Variants in ERC1 observed in about 807,000 individuals in gnomAD.
The protein encoded by ERC1 is ELKS/RAB6-interacting/CAST family member 1.
Under a neutral mutation model 132.0 loss-of-function variants are expected in ERC1, and 56 were observed. The observed-to-expected ratio is 0.42, with a 90% CI of 0.34 to 0.53. The LOEUF (loss-of-function observed/expected upper bound fraction) is 0.53, where lower values mean the gene tolerates loss of function less well. Ranked by LOEUF, ERC1 falls within the 20% of genes least tolerant of loss-of-function variation. ERC1 has a pLI of 0.03. For synonymous variants in ERC1, 478 were observed against 476.1 expected, an observed-to-expected ratio of 1.00 and a Z score of -0.05; for missense variants, 1,202 against 1,349.9, an observed-to-expected ratio of 0.89 and a Z score of 1.72.
chr12:1,033,811 G>A (rs1323017922), intron 2 of ERC1, among the ~76,000 whole-genome samples: 2 of 151,980 alleles, frequency 1.3e-5, no homozygotes, highest in African/African-American at 4.8e-5. Context: ...TTGTATTTTA[G>A]TAGAGACGGG....
intron 7 of ERC1, among the ~76,000 whole-genome samples, chr12:1,118,475 A>G (rs952540999): frequency 1.4e-4 from 21 of 152,308 alleles, no homozygotes; most frequent in African/African-American, 4.8e-4. Flanking sequence ...TTTAGTTTTT[A>G]GCCATTGCAG....
At chr12:1,474,933 C>T (rs983372499) in intron 18 of ERC1, among the ~76,000 whole-genome samples, 2 of 152,228 alleles carry the variant, frequency 1.3e-5, no homozygotes, top group African/African-American at 4.8e-5. Context: ...TTGCTTTGAG[C>T]ATTCAGATTG....
intron 17 of ERC1, among the ~76,000 whole-genome samples, chr12:1,409,304 A>G (rs2091703519): frequency 6.6e-6 from 1 of 152,158 alleles, no homozygotes; most frequent in Non-Finnish European, 1.5e-5. Flanking sequence ...CCAAGAGATC[A>G]TTTTACCTTT....
chr12:1,363,772 G>C (rs1430458489), intron 15 of ERC1, among the ~76,000 whole-genome samples: 1 of 151,806 alleles, frequency 6.6e-6, no homozygotes, highest in Non-Finnish European at 1.5e-5. Flanking sequence ...CGCAGGCTGG[G>C]CTCGAACTCC....
chr12:1,280,547 T>A (rs2078609077), intron 14 of ERC1, among the ~76,000 whole-genome samples: 1 of 152,220 alleles, frequency 6.6e-6, no homozygotes, highest in Non-Finnish European at 1.5e-5. Flanking sequence ...AGTTTTGTAA[T>A]CTCTCCAAGT....
chr12:1,474,325 A>C (rs2093927937), intron 18 of ERC1, among the ~76,000 whole-genome samples: 1 of 152,234 alleles, frequency 6.6e-6, no homozygotes, highest in African/African-American at 2.4e-5. Flanking sequence ...GAAAGGAATT[A>C]ATCTGAGTCA....
chr12:1,286,450 CCTTAA>C lies in ERC1; in HGVS notation c.2620-3396_2620-3392del, dbSNP rs537146750. On this transcript the variant is annotated intron_variant, in intron 14 of 18. Coordinates refer to ENST00000360905, the MANE Select transcript of ERC1 (RefSeq NM_178040.4). ...ACTACCTAGCAATACAAGGGAATTT[CCTTAA>C]CTTAATAAAGGGTATCTATTAAAAA... 2.3e-4 allele frequency among the ~76,000 whole-genome samples: 35 copies of C among 152,050 alleles called. No homozygotes were observed. In the East Asian group the frequency reaches 3.9e-3, roughly 17 times the overall value.
At chr12:1,216,469 C>A (rs930269216) in intron 12 of ERC1, among the ~76,000 whole-genome samples, 3 of 151,952 alleles carry the variant, frequency 2.0e-5, no homozygotes, top group Non-Finnish European at 4.4e-5. Flanking sequence ...TTAAGCTGAG[C>A]CCTGTGAAAT....
Position 1,028,405 on chromosome 12 carries a change from T to C in ERC1, c.502T>C (p.Leu168=), listed in dbSNP as rs2154150433. The part of the protein sequence containing the change: ...LKEVLRENDL[L]RKDVEVKESK... ...GGAAGTATTAAGAGAAAATGATCTC[T>C]TGCGGAAGGATGTGGAAGTAAAGGA... Residue 168 remains leucine, a synonymous_variant, in exon 2 of 19, where the codon TTG becomes CTG. Transcript: ENST00000360905. 6.2e-7 allele frequency: 1 copy of C among 1,613,186 alleles called. No homozygotes were observed. The highest frequency in any genetic ancestry group is 8.5e-7 in the Non-Finnish European group (1 of 1,179,166).
At chr12:1,401,766 A>G (rs1055353644) in intron 16 of ERC1, among the ~76,000 whole-genome samples, 9 of 137,346 alleles carry the variant, frequency 6.6e-5, no homozygotes, top group Non-Finnish European at 1.3e-4. Flanking sequence ...AAAAAAAAAA[A>G]GAGTATTTTT....
At chr12:1,091,461 G>A (rs1943206699) in intron 3 of ERC1, among the ~76,000 whole-genome samples, 1 of 152,178 alleles carries the variant, frequency 6.6e-6, no homozygotes, top group Non-Finnish European at 1.5e-5. Context: ...TGAGGAAACA[G>A]GAGGGAGGCT....
chr12:1,437,214 G>T (rs1346306970), intron 17 of ERC1, among the ~76,000 whole-genome samples: 2 of 152,038 alleles, frequency 1.3e-5, no homozygotes, highest in African/African-American at 4.8e-5. Flanking sequence ...TTATCTCATC[G>T]ACTTTCAGCA....
chr12:1,180,287 G>A (rs74778246), intron 8 of ERC1, among the ~76,000 whole-genome samples: 5,701 of 132,474 alleles, frequency 0.043, 151 homozygotes, highest in Non-Finnish European at 0.059. Context: ...GTGTGTGCGC[G>A]CACGCGTGTG....
intron 18 of ERC1, among the ~76,000 whole-genome samples, chr12:1,484,253 C>T (rs568038443): frequency 3.3e-5 from 5 of 151,432 alleles, no homozygotes; most frequent in South Asian, 4.2e-4. Context: ...TGCAGTGAGC[C>T]GAGATCGCAC....
chr12:1,017,741 T>G (rs1260703836), intron 1 of ERC1, among the ~76,000 whole-genome samples: 1 of 151,410 alleles, frequency 6.6e-6, no homozygotes, highest in Non-Finnish European at 1.5e-5. Context: ...TCAGGTGATC[T>G]GCCCGCCTCA....
At chr12:1,101,391 C>T (rs1944641340) in intron 3 of ERC1, among the ~76,000 whole-genome samples, 2 of 152,134 alleles carry the variant, frequency 1.3e-5, no homozygotes, top group Admixed American at 1.3e-4. Flanking sequence ...TGTGTTACGC[C>T]GACATCACTG....
intron 2 of ERC1, among the ~76,000 whole-genome samples, chr12:1,059,007 A>G (rs900303273): frequency 6.6e-6 from 1 of 151,678 alleles, no homozygotes; most frequent in Non-Finnish European, 1.5e-5. Context: ...GTCCTCTTCA[A>G]TTTCTTTTAT....
intron 18 of ERC1, among the ~76,000 whole-genome samples, chr12:1,478,986 A>T (rs112899601): frequency 0.01 from 1,530 of 152,228 alleles, 9 homozygotes; most frequent in Non-Finnish European, 0.015. Flanking sequence ...TGTATTCATC[A>T]TGAATTGATT....
chr12:1,118,335 G>A (rs908124076), intron 7 of ERC1, among the ~76,000 whole-genome samples: 1 of 152,070 alleles, frequency 6.6e-6, no homozygotes, highest in African/African-American at 2.4e-5. Flanking sequence ...TTCCCCCTTG[G>A]CAATCCATGC....
Sources: allele counts gnomAD v4.1 joint callset (sites outside exome capture counted in the v4.1 genomes callset), GRCh38; gene constraint gnomAD v4.1.1; transcripts MANE v1.5; gene names NCBI Gene and HGNC (gene_info 2026-07-23, HGNC 2026-07-21).